Variants in IL1RL2 observed in about 807,000 individuals in gnomAD.
The protein encoded by IL1RL2 is interleukin-1 receptor-like 2.
In IL1RL2, 68 loss-of-function variants were observed where a neutral mutation model predicts 66.8. The observed-to-expected ratio is 1.02, with a 90% CI of 0.84 to 1.25. The LOEUF (loss-of-function observed/expected upper bound fraction) is 1.25, where lower values mean the gene tolerates loss of function less well. Ranked by LOEUF, IL1RL2 falls within the 50% of genes most tolerant of loss-of-function variation. IL1RL2 has a pLI of 0.00. For synonymous variants in IL1RL2, 305 were observed against 264.6 expected (o/e 1.15, Z -1.48); for missense variants, 729 against 709.3 (o/e 1.03, Z -0.32).
At chr2:102,211,452 G>C (rs1689162663) in intron 5 of IL1RL2, among the ~76,000 whole-genome samples, 1 of 152,158 alleles carries the variant, frequency 6.6e-6, no homozygotes, top group Non-Finnish European at 1.5e-5. Flanking sequence ...AGAGTTGGAG[G>C]AGGAAGAGGA....
chr2:102,219,080 G>A lies in IL1RL2; in HGVS notation c.852G>A (p.Val284=), dbSNP rs536334733. 1.9e-6 allele frequency: 3 copies of A among 1,613,814 alleles called. No homozygotes were observed. The highest frequency in any genetic ancestry group is 2.7e-5 in the African/African-American group (2 of 75,018). ...YDESKRIREG[V]ETHVSFREHN... is the part of the protein sequence containing the mutation. ...AATCCAAACGAATCAGAGAAGGGGT[G>A]GAGTAGGTGTTTTGCTTTTTTGACT... Residue 284 remains valine, a splice_region_variant and synonymous_variant, in exon 7 of 12, where the codon GTG becomes GTA. Coordinates refer to ENST00000264257, the MANE Select transcript of IL1RL2 (RefSeq NM_003854.4).
intron 5 of IL1RL2, among the ~76,000 whole-genome samples, chr2:102,208,329 C>T (rs887695107): frequency 2.0e-5 from 3 of 152,186 alleles, no homozygotes; most frequent in African/African-American, 4.8e-5. Context: ...CCAAGCTATA[C>T]ATTTTACAGA....
intron 5 of IL1RL2, among the ~76,000 whole-genome samples, chr2:102,204,981 G>GA (rs1688584879): frequency 6.6e-6 from 1 of 151,832 alleles, no homozygotes; most frequent in South Asian, 2.1e-4. Context: ...CTGGTGATAT[G>GA]ACTTGATTTC....
intron 8 of IL1RL2, among the ~76,000 whole-genome samples, chr2:102,221,533 A>G (rs552803467): frequency 4.1e-4 from 63 of 152,262 alleles, no homozygotes; most frequent in African/African-American, 1.4e-3. Flanking sequence ...GTTCAGGCTC[A>G]AAATCTGGGG....
chr2:102,224,683 A>G (rs1198861540), intron 8 of IL1RL2, among the ~76,000 whole-genome samples: 1 of 152,204 alleles, frequency 6.6e-6, no homozygotes, highest in Non-Finnish European at 1.5e-5. Context: ...GACTATAGAT[A>G]GGAATAATTT....
intron 5 of IL1RL2, among the ~76,000 whole-genome samples, chr2:102,204,431 T>C (rs909899468): frequency 3.9e-5 from 6 of 152,114 alleles, no homozygotes; most frequent in Admixed American, 3.9e-4. Context: ...GTCAGATGTT[T>C]CTTTGTTGAT....
chr2:102,206,709 A>G (rs116375814), intron 5 of IL1RL2, among the ~76,000 whole-genome samples: 604 of 152,282 alleles, frequency 4.0e-3, no homozygotes, highest in African/African-American at 0.014. Flanking sequence ...GTCTTGCCCA[A>G]GGCCTGCTTT....
intron 5 of IL1RL2, among the ~76,000 whole-genome samples, chr2:102,207,726 C>G (rs1479247303): frequency 1.3e-5 from 2 of 152,154 alleles, no homozygotes; most frequent in African/African-American, 4.8e-5. Context: ...TGCCCACACT[C>G]CCTTGGCTGC....
intron 4 of IL1RL2, 93 bp downstream of exon 4, chr2:102,192,213 G>A: frequency 1.2e-6 from 1 of 825,020 alleles, no homozygotes; most frequent in South Asian, 1.9e-5. Context: ...AGGCAGAATT[G>A]GTAAAGAAAG....
At chr2:102,208,788 G>T (rs1688915437) in intron 5 of IL1RL2, among the ~76,000 whole-genome samples, 1 of 152,196 alleles carries the variant, frequency 6.6e-6, no homozygotes, top group South Asian at 2.1e-4. Flanking sequence ...TGCAGCAACT[G>T]CTCATTTGAT....
chr2:102,212,264 G>A (rs1179009427), intron 6 of IL1RL2, 90 bp downstream of exon 6: 2 of 969,348 alleles, frequency 2.1e-6, no homozygotes, highest in Non-Finnish European at 3.2e-6. Flanking sequence ...TGTTAAGGAT[G>A]AAGATAAATC....
chr2:102,225,664 G>A (rs2302621), intron 8 of IL1RL2, among the ~76,000 whole-genome samples: 2 of 151,974 alleles, frequency 1.3e-5, no homozygotes, highest in South Asian at 2.1e-4. Flanking sequence ...ACTTTTACTC[G>A]TATAAGTTCC....
At chr2:102,209,480 G>A (rs569797476) in intron 5 of IL1RL2, among the ~76,000 whole-genome samples, 2 of 148,444 alleles carry the variant, frequency 1.3e-5, no homozygotes, top group African/African-American at 5.0e-5. Context: ...TAGGCAGAGA[G>A]AACAGAGGGA....
At chr2:102,230,692 C>T (rs115848055) in intron 9 of IL1RL2, among the ~76,000 whole-genome samples, 390 of 152,076 alleles carry the variant, frequency 2.6e-3, no homozygotes, top group Non-Finnish European at 4.4e-3. Context: ...GGAGTGTGCA[C>T]GTGTGTGTGT....
chr2:102,187,167 G>A, intron 1 of IL1RL2, 81 bp downstream of exon 1: 1 of 1,260,834 alleles, frequency 7.9e-7, no homozygotes, highest in Non-Finnish European at 1.0e-6. Flanking sequence ...GAAAAGACGT[G>A]GCAACAATGT....
chr2:102,230,929 A>T (rs1691069699), intron 9 of IL1RL2, among the ~76,000 whole-genome samples: 1 of 152,212 alleles, frequency 6.6e-6, no homozygotes, highest in African/African-American at 2.4e-5. Flanking sequence ...CTAGAAGAAT[A>T]CAAGGTTTTC....
intron 6 of IL1RL2, among the ~76,000 whole-genome samples, chr2:102,217,246 T>C (rs1689689799): frequency 6.6e-6 from 1 of 152,172 alleles, no homozygotes; most frequent in African/African-American, 2.4e-5. Flanking sequence ...TATTCTTGGA[T>C]AGCAGTTTTT....
At chr2:102,231,494 A>G (rs796329975) in intron 9 of IL1RL2, among the ~76,000 whole-genome samples, 83 of 148,594 alleles carry the variant, frequency 5.6e-4, no homozygotes, top group African/African-American at 2.1e-3. Flanking sequence ...GTGAGACTCC[A>G]TCTAAAAATA....
intron 1 of IL1RL2, chr2:102,187,403 A>G: frequency 1.8e-6 from 2 of 1,134,590 alleles, no homozygotes; most frequent in South Asian, 3.9e-5. Flanking sequence ...TTAGACCGCC[A>G]GGCTCGGGTG....
Sources: allele counts gnomAD v4.1 joint callset (sites outside exome capture counted in the v4.1 genomes callset), GRCh38; gene constraint gnomAD v4.1.1; transcripts MANE v1.5; gene names NCBI Gene and HGNC (gene_info 2026-07-23, HGNC 2026-07-21).